Variants in COBL observed in about 807,000 individuals in gnomAD.
The protein encoded by COBL is cordon-bleu WH2 repeat protein, also known as protein cordon-bleu.
COBL carries 51 observed loss-of-function variants against 98.8 expected under a neutral mutation model. That is an observed-to-expected ratio of 0.52 (90% confidence interval 0.41 to 0.65). The LOEUF (loss-of-function observed/expected upper bound fraction) is 0.65. Ranked by LOEUF, COBL falls within the 30% of genes least tolerant of loss-of-function variation. COBL has a pLI of 0.00. For missense variants in COBL, 1,617 were observed against 1,617.5 expected (o/e 1.00, Z 0.01); for synonymous variants, 634 against 651.7 (o/e 0.97, Z 0.41).
rs1789436938 is a variant in COBL at position 51,043,833 on chromosome 7, A to G, written c.1097-141T>C. The G allele has an allele frequency of 7.7e-6, 5 of 646,682 alleles. No individual in the cohort carries two copies. In the South Asian group the frequency reaches 9.8e-5, roughly 13 times the overall value. 40.1% of individuals were successfully genotyped at this position (646,682 alleles called of 1,614,324 possible). A position where few individuals can be genotyped will look rare whatever the true frequency, so the allele number is the denominator to read the frequency against. On this transcript the variant is annotated intron_variant, in intron 7 of 12. Transcript: ENST00000265136. ...AAAGTAAAGGAAGAACCTCATTCAAATACTGCTGAATACTCCTGAAACATT... is the reference window on the plus strand; with the variant it reads ...AAAGTAAAGGAAGAACCTCATTCAAGTACTGCTGAATACTCCTGAAACATT...
intron 6 of COBL, among the ~76,000 whole-genome samples, chr7:51,093,235 C>CA (rs894444757): frequency 1.3e-5 from 2 of 150,562 alleles, no homozygotes; most frequent in African/African-American, 2.4e-5. Context: ...AGACATTTTG[C>CA]AAAAAAAAGA....
intron 1 of COBL, among the ~76,000 whole-genome samples, chr7:51,263,165 G>A (rs895525661): frequency 9.2e-5 from 14 of 152,184 alleles, no homozygotes; most frequent in African/African-American, 3.4e-4. Flanking sequence ...GCCGAGGGTG[G>A]CCCTGGGAGC....
intron 4 of COBL, 88 bp downstream of exon 4, chr7:51,190,762 G>C (rs1790027307): frequency 9.7e-7 from 1 of 1,030,572 alleles, no homozygotes; most frequent in Non-Finnish European, 1.5e-6. Flanking sequence ...GCGCTACTGA[G>C]AGTGCTGGGG....
chr7:51,065,113 C>A, intron 7 of COBL: 1 of 691,112 alleles, frequency 1.4e-6, no homozygotes, highest in Non-Finnish European at 2.7e-6. Context: ...AACAAGCACA[C>A]AGAGGATAGA....
intron 7 of COBL, among the ~76,000 whole-genome samples, chr7:51,047,941 C>T (rs7385712): frequency 0.41 from 61,786 of 151,964 alleles, 16,394 homozygotes; most frequent in African/African-American, 0.75. Flanking sequence ...CTGACGTGGG[C>T]GGATCACTTG....
chr7:51,225,830 G>A (rs1378396724), intron 1 of COBL, among the ~76,000 whole-genome samples: 1 of 152,138 alleles, frequency 6.6e-6, no homozygotes, highest in Non-Finnish European at 1.5e-5. Context: ...GAAAGTCAGA[G>A]GGTCTTAGGT....
rs371281370 is a variant in COBL, at chr7:51,282,273, G to A, written c.41+34320C>T. On this transcript the variant is annotated intron_variant, in intron 1 of 12. Transcript: ENST00000265136. Reference sequence around the variant, plus strand: ...TTTAATATAATTATTTAATGTAAATGGTCTAAACAATCCAACTAAAAGACA... The same window carrying A: ...TTTAATATAATTATTTAATGTAAATAGTCTAAACAATCCAACTAAAAGACA... Among the ~76,000 whole-genome samples the A allele has an allele frequency of 4.9e-4, 75 of 151,958 alleles. No homozygotes were observed. The South Asian group carries it at 0.015, about 30-fold the overall frequency.
chr7:51,051,267 C>G (rs983324881), intron 7 of COBL, among the ~76,000 whole-genome samples: 3 of 152,152 alleles, frequency 2.0e-5, no homozygotes, highest in Non-Finnish European at 4.4e-5. Flanking sequence ...TTGTTTATAG[C>G]TATATATAAT....
At position 51,043,291 on chromosome 7, in the gene COBL, T is replaced by C; in HGVS notation, c.1406+92A>G. 5.5e-6 allele frequency: 7 copies of C among 1,273,138 alleles called. No individual in the cohort carries two copies. The Admixed American group carries it at 1.2e-4, about 21-fold the overall frequency. 78.9% of individuals were successfully genotyped at this position (1,273,138 alleles called of 1,614,324 possible). On this transcript the variant is annotated intron_variant, in intron 8 of 12. Transcript: ENST00000265136. ...GCCCCTGGTGCAGAGCAGGTTGTGA[T>C]AGCACGTGTTGGATCCCATGACAAA...
At chr7:51,075,547 A>T (rs1302509315) in intron 7 of COBL, among the ~76,000 whole-genome samples, 2 of 152,150 alleles carry the variant, frequency 1.3e-5, no homozygotes, top group Non-Finnish European at 2.9e-5. Context: ...AATATTATTT[A>T]TTTAATTGTA....
intron 7 of COBL, among the ~76,000 whole-genome samples, chr7:51,084,885 C>G (rs1794044709): frequency 6.6e-6 from 1 of 152,146 alleles, no homozygotes; most frequent in African/African-American, 2.4e-5. Flanking sequence ...CACTCACACT[C>G]ACAGGCTTTC....
chr7:51,145,262 C>T lies in COBL; in HGVS notation c.784-8931G>A, dbSNP rs1396795999. On this transcript the variant is annotated intron_variant, in intron 5 of 12. Coordinates refer to ENST00000265136, the MANE Select transcript of COBL (RefSeq NM_015198.5). ...AACTCTTGACCTCAAGTGATCAGCCCGCCTCAGCCTCCCAAAGTGCTGGGA... is the reference window on the plus strand; with the variant it reads ...AACTCTTGACCTCAAGTGATCAGCCTGCCTCAGCCTCCCAAAGTGCTGGGA... Among the ~76,000 whole-genome samples, 16 of 152,244 alleles carry T rather than the reference C, an allele frequency of 1.1e-4. No individual in the cohort carries two copies. The South Asian group carries it at 2.3e-3, about 22-fold the overall frequency.
intron 1 of COBL, among the ~76,000 whole-genome samples, chr7:51,278,217 G>A (rs1392839477): frequency 2.0e-5 from 3 of 152,016 alleles, no homozygotes; most frequent in Non-Finnish European, 4.4e-5. Context: ...ACCAAACAGG[G>A]TGAATCTAAT....
chr7:51,025,478 G>T, intron 11 of COBL, 106 bp from the exon 12 acceptor site: 2 of 1,182,334 alleles, frequency 1.7e-6, no homozygotes, highest in Non-Finnish European at 1.2e-6. Context: ...GAGGATTGGG[G>T]GTGACTAGGT....
chr7:51,120,285 AT>A, intron 6 of COBL, among the ~76,000 whole-genome samples: 1 of 152,246 alleles, frequency 6.6e-6, no homozygotes, highest in South Asian at 2.1e-4. Flanking sequence ...TCACTGTCAA[AT>A]AAATTTACCC....
At chr7:51,040,881 C>A (rs1379000407) in intron 8 of COBL, among the ~76,000 whole-genome samples, 1 of 152,224 alleles carries the variant, frequency 6.6e-6, no homozygotes, top group Admixed American at 6.5e-5. Flanking sequence ...CAAGATTTTA[C>A]ATCAACGGTC....
Position 51,085,412 on chromosome 7 carries a change from G to A in COBL, c.958-108C>T, listed in dbSNP as rs1450659857. 28 of 1,255,442 alleles carry A rather than the reference G, an allele frequency of 2.2e-5. 1 individual carries two copies. In the Admixed American group the frequency reaches 6.2e-4, roughly 28 times the overall value. The allele number at this position is 1,255,442 out of a possible 1,614,324, so 77.8% of individuals were successfully genotyped here. ...CTGGGGCAGGGACCTGCACCGGAAG[G>A]TGGTGCTCCAGGAGGGTTGTTAGAT... On this transcript the variant is annotated intron_variant, in intron 6 of 12. Transcript: ENST00000265136.
intron 1 of COBL, among the ~76,000 whole-genome samples, chr7:51,304,144 G>A (rs1332675911): frequency 6.6e-6 from 1 of 152,180 alleles, no homozygotes; most frequent in Non-Finnish European, 1.5e-5. Flanking sequence ...TGGTGTGAGA[G>A]AGGCAGCCAC....
At chr7:51,114,769 G>A (rs181712458) in intron 6 of COBL, among the ~76,000 whole-genome samples, 58 of 152,230 alleles carry the variant, frequency 3.8e-4, no homozygotes, top group Admixed American at 1.4e-3. Context: ...ACCCTGTTAC[G>A]TCACTCTTAA....
Sources: allele counts gnomAD v4.1 joint callset (sites outside exome capture counted in the v4.1 genomes callset), GRCh38; gene constraint gnomAD v4.1.1; transcripts MANE v1.5; gene names NCBI Gene and HGNC (gene_info 2026-07-23, HGNC 2026-07-21).